The following RORA variants were observed in gnomAD, a reference collection of about 807,000 sequenced individuals.
RORA encodes nuclear receptor ROR-alpha.
RORA carries 7 observed loss-of-function variants against 69.5 expected under a neutral mutation model. The ratio of observed to expected loss-of-function variants is 0.10; its 90% confidence interval spans 0.06 to 0.19. The LOEUF (loss-of-function observed/expected upper bound fraction) is 0.19, where lower values mean the gene tolerates loss of function less well. Ranked by LOEUF, RORA falls within the 10% of genes least tolerant of loss-of-function variation. The probability of loss-of-function intolerance (pLI) is 1.00; values close to 1 mark genes in which losing one functional copy is unlikely to be tolerated. For synonymous variants in RORA, 261 were observed against 240.8 expected, an observed-to-expected ratio of 1.08 and a Z score of -0.78; for missense variants, 457 against 663.0, an observed-to-expected ratio of 0.69 and a Z score of 3.41.
At chr15:61,211,720 G>A (rs1001273404) in intron 1 of RORA, among the ~76,000 whole-genome samples, 9 of 152,138 alleles carry the variant, frequency 5.9e-5, no homozygotes, top group African/African-American at 7.2e-5. Flanking sequence ...GCCCCCTCCC[G>A]CCACACTACT....
At chr15:60,724,093 C>T (rs2071327233) in intron 1 of RORA, among the ~76,000 whole-genome samples, 1 of 152,062 alleles carries the variant, frequency 6.6e-6, no homozygotes, top group Non-Finnish European at 1.5e-5. Context: ...GTTTTCTTTC[C>T]ACCCGGATTT....
chr15:61,172,885 G>A (rs2079598078), intron 1 of RORA, among the ~76,000 whole-genome samples: 1 of 152,112 alleles, frequency 6.6e-6, no homozygotes, highest in South Asian at 2.1e-4. Context: ...TAGATGCTGT[G>A]TCCAAGCAAG....
chr15:60,665,146 T>G (rs1048470438), intron 2 of RORA, among the ~76,000 whole-genome samples: 2 of 152,256 alleles, frequency 1.3e-5, no homozygotes, highest in Non-Finnish European at 2.9e-5. Context: ...TAAAATTCAA[T>G]AAGTAATCTG....
At chr15:61,085,631 C>T (rs1231978420) in intron 1 of RORA, among the ~76,000 whole-genome samples, 3 of 152,188 alleles carry the variant, frequency 2.0e-5, no homozygotes, top group Non-Finnish European at 2.9e-5. Flanking sequence ...ATCCATGGCC[C>T]CTTTCACTCC....
chr15:60,995,361 T>C (rs1566937133), intron 1 of RORA, among the ~76,000 whole-genome samples: 1 of 152,162 alleles, frequency 6.6e-6, no homozygotes, highest in African/African-American at 2.4e-5. Flanking sequence ...TGTTCTCAAA[T>C]GATTCTCGGC....
At chr15:60,849,849 A>C (rs1316291676) in intron 1 of RORA, among the ~76,000 whole-genome samples, 1 of 152,126 alleles carries the variant, frequency 6.6e-6, no homozygotes, top group Non-Finnish European at 1.5e-5. Flanking sequence ...TGGCCTGAGA[A>C]TAGAGGAGGA....
At chr15:60,597,601 T>TAC (rs1426219804) in intron 2 of RORA, among the ~76,000 whole-genome samples, 2 of 41,878 alleles carry the variant, frequency 4.8e-5, no homozygotes, top group Non-Finnish European at 8.4e-5. Flanking sequence ...TATACACATA[T>TAC]ATATATATAT....
At chr15:61,205,784 C>T (rs1314220675) in intron 1 of RORA, among the ~76,000 whole-genome samples, 1 of 152,146 alleles carries the variant, frequency 6.6e-6, no homozygotes, top group Non-Finnish European at 1.5e-5. Context: ...CTACCTCCCA[C>T]CTCCACACAT....
At chr15:60,509,344 C>A (rs1320799181) in intron 5 of RORA, among the ~76,000 whole-genome samples, 2 of 152,136 alleles carry the variant, frequency 1.3e-5, no homozygotes, top group African/African-American at 2.4e-5. Context: ...TTGGTAAATA[C>A]CACAACACCT....
chr15:60,938,000 G>A lies in RORA; in HGVS notation c.167-259314C>T, dbSNP rs74017884. 5.8e-3 allele frequency among the ~76,000 whole-genome samples: 884 copies of A among 152,278 alleles called. 12 individuals carry two copies. Among genetic ancestry groups the A allele is most frequent in the African/African-American group, 0.02 (842 of 41,540 alleles). ...CATATTATCTGCAATTGCTGGTGAGGAAGAGGAAGGAGAGACTCAGAGAAC... is the reference window on the plus strand; with the variant it reads ...CATATTATCTGCAATTGCTGGTGAGAAAGAGGAAGGAGAGACTCAGAGAAC... On this transcript the variant is annotated intron_variant, in intron 1 of 10. Transcript: ENST00000335670.
chr15:61,032,554 T>A (rs566255160), intron 1 of RORA, among the ~76,000 whole-genome samples: 140 of 152,344 alleles, frequency 9.2e-4, no homozygotes, highest in African/African-American at 3.2e-3. Context: ...GACAATCATA[T>A]GGAGTGTAAT....
chr15:61,142,472 A>G (rs2079308877), intron 1 of RORA, among the ~76,000 whole-genome samples: 1 of 152,244 alleles, frequency 6.6e-6, no homozygotes, highest in Non-Finnish European at 1.5e-5. Context: ...TAAAATATTT[A>G]AATATGTTTT....
chr15:60,956,109 T>C (rs1893260668), intron 1 of RORA, among the ~76,000 whole-genome samples: 1 of 152,252 alleles, frequency 6.6e-6, no homozygotes, highest in Admixed American at 6.5e-5. Context: ...CAGATTCTCT[T>C]GCTGGAAATT....
At chr15:60,979,268 C>CTTTTT (rs767729204) in intron 1 of RORA, among the ~76,000 whole-genome samples, 49 of 64,216 alleles carry the variant, frequency 7.6e-4, no homozygotes, top group South Asian at 1.0e-3. Context: ...CTAGCCCTTG[C>CTTTTT]TTTTTTTTTT....
intron 1 of RORA, among the ~76,000 whole-genome samples, chr15:61,070,359 C>T (rs376231104): frequency 4.6e-5 from 7 of 152,144 alleles, no homozygotes; most frequent in African/African-American, 1.7e-4. Flanking sequence ...AATGCCTTGG[C>T]CTTGACTCTG....
At chr15:60,759,907 T>C (rs1250007601) in intron 1 of RORA, among the ~76,000 whole-genome samples, 2 of 152,210 alleles carry the variant, frequency 1.3e-5, no homozygotes, top group Non-Finnish European at 2.9e-5. Flanking sequence ...TAAAAAGTAC[T>C]TTGTTAGATT....
chr15:61,084,126 C>G (rs2078587398), intron 1 of RORA, among the ~76,000 whole-genome samples: 1 of 152,182 alleles, frequency 6.6e-6, no homozygotes, highest in African/African-American at 2.4e-5. Context: ...CCAAGAGGGG[C>G]TATCGATGCC....
chr15:60,743,338 A>G (rs947737955), intron 1 of RORA, among the ~76,000 whole-genome samples: 13 of 152,148 alleles, frequency 8.5e-5, no homozygotes, highest in African/African-American at 3.1e-4. Flanking sequence ...CTCATGACTG[A>G]TACTGGTTCT....
At chr15:60,570,737 C>T (rs887431064) in intron 2 of RORA, among the ~76,000 whole-genome samples, 2 of 152,064 alleles carry the variant, frequency 1.3e-5, no homozygotes, top group Non-Finnish European at 1.5e-5. Context: ...ACACAGGTGC[C>T]GTCATAGATT....
Sources: allele counts gnomAD v4.1 joint callset (sites outside exome capture counted in the v4.1 genomes callset), GRCh38; gene constraint gnomAD v4.1.1; transcripts MANE v1.5; gene names NCBI Gene and HGNC (gene_info 2026-07-23, HGNC 2026-07-21).